Variants in GSN observed in about 807,000 individuals in gnomAD.
The protein encoded by GSN is actin-depolymerizing factor.
Under a neutral mutation model 85.7 loss-of-function variants are expected in GSN, and 56 were observed. That is an observed-to-expected ratio of 0.65 (90% confidence interval 0.53 to 0.82). The LOEUF is 0.82. GSN is among the 40% of genes least tolerant of loss of function. The probability of loss-of-function intolerance (pLI) is 0.00; values close to 1 mark genes in which losing one functional copy is unlikely to be tolerated. For missense variants in GSN, 857 were observed against 979.8 expected, an observed-to-expected ratio of 0.87 and a Z score of 1.67; for synonymous variants, 373 against 399.1, an observed-to-expected ratio of 0.93 and a Z score of 0.78.
chr9:121,322,210 G>T (rs983464824), intron 11 of GSN, among the ~76,000 whole-genome samples: 1 of 151,626 alleles, frequency 6.6e-6, no homozygotes, highest in African/African-American at 2.4e-5. Flanking sequence ...TATCCTTCCA[G>T]TAACTCTTCG....
At chr9:121,282,079 GC>G in intron 2 of GSN, 1 of 468,020 alleles carries the variant, frequency 2.1e-6, no homozygotes. Context: ...GCAGGGTGGG[GC>G]CCACCTGACT....
chr9:121,286,768 A>T (rs1461306196), intron 2 of GSN: 1 of 1,534,246 alleles, frequency 6.5e-7, no homozygotes, highest in Admixed American at 2.0e-5. Flanking sequence ...TACAGTAGGT[A>T]TTTTTTAAAG....
upstream of GSN, among the ~76,000 whole-genome samples, chr9:121,263,246 T>G (rs945500235): frequency 2.6e-5 from 4 of 152,160 alleles, no homozygotes; most frequent in African/African-American, 9.7e-5. Flanking sequence ...TCACTGAGTG[T>G]GGAGTTGCGA....
intron 6 of GSN, among the ~76,000 whole-genome samples, chr9:121,253,896 C>T (rs1193236649): frequency 1.3e-5 from 2 of 152,224 alleles, no homozygotes; most frequent in African/African-American, 4.8e-5. Context: ...CCTACATCAG[C>T]TCCCAGGCTG....
At position 121,226,107 on chromosome 9, in the gene GSN, C is replaced by A. The variant is rs2054268693; in HGVS notation, c.-527-5058C>A. On this transcript the variant is annotated intron_variant, in intron 4 of 24. Transcript: ENST00000373823. ...GCGTGAGCCACTGCGCCCGGCAGAGCCTGGCACTTATTAGACAATCAAAAA... is the reference window on the plus strand; with the variant it reads ...GCGTGAGCCACTGCGCCCGGCAGAGACTGGCACTTATTAGACAATCAAAAA... Among the ~76,000 whole-genome samples the A allele has an allele frequency of 3.3e-5, 5 of 152,246 alleles. 1 individual carries two copies. In the Middle Eastern group the frequency reaches 0.014, roughly 414 times the overall value.
chr9:121,279,588 G>A (rs771348253), intron 1 of GSN, among the ~76,000 whole-genome samples: 6 of 152,046 alleles, frequency 3.9e-5, no homozygotes, highest in Non-Finnish European at 8.8e-5. Flanking sequence ...TGTTGAGGAG[G>A]GTGAGGGCCT....
intron 13 of GSN, 173 bp downstream of exon 13, chr9:121,326,855 C>A (rs1009702590): frequency 5.1e-6 from 4 of 776,976 alleles, no homozygotes; most frequent in Admixed American, 1.8e-5. Context: ...TAGACTCCCC[C>A]CTGTTTCAAG....
chr9:121,242,017 C>A (rs2054615014), intron 5 of GSN, among the ~76,000 whole-genome samples: 1 of 152,152 alleles, frequency 6.6e-6, no homozygotes, highest in Non-Finnish European at 1.5e-5. Context: ...CTTTGGACAA[C>A]TTATTATTTC....
intron 1 of GSN, among the ~76,000 whole-genome samples, chr9:121,274,409 CA>C (rs2056406199): frequency 6.6e-6 from 1 of 152,144 alleles, no homozygotes; most frequent in African/African-American, 2.4e-5. Context: ...CAACCTAGTG[CA>C]TACTTTTTTT....
intron 5 of GSN, among the ~76,000 whole-genome samples, chr9:121,236,404 G>A (rs983845255): frequency 1.1e-4 from 16 of 151,996 alleles, no homozygotes; most frequent in African/African-American, 3.9e-4. Flanking sequence ...ATTTTTAATA[G>A]AGACAGGGTT....
chr9:121,260,055 G>T (rs1379305842), intron 6 of GSN, among the ~76,000 whole-genome samples: 1 of 152,244 alleles, frequency 6.6e-6, no homozygotes, highest in Non-Finnish European at 1.5e-5. Context: ...GAGAATGGCT[G>T]TGTGAGAAGC....
At chr9:121,283,800 G>A (rs559227982) in intron 2 of GSN, 1 of 167,228 alleles carries the variant, frequency 6.0e-6, no homozygotes, top group African/African-American at 2.4e-5. Flanking sequence ...TAGGTCTTCA[G>A]TAGATCATTA....
intron 1 of GSN, among the ~76,000 whole-genome samples, chr9:121,208,430 A>G (rs976573950): frequency 6.6e-6 from 1 of 152,204 alleles, no homozygotes; most frequent in Admixed American, 6.5e-5. Context: ...AGTGGCTTTC[A>G]CAAGATAGAA....
chr9:121,251,174 C>T (rs2054823699), intron 6 of GSN, among the ~76,000 whole-genome samples: 1 of 74,268 alleles, frequency 1.3e-5, no homozygotes, highest in East Asian at 4.4e-4. Flanking sequence ...AACATACCTA[C>T]AGCTGATGTG....
chr9:121,270,081 A>G (rs2055708910), intron 1 of GSN, among the ~76,000 whole-genome samples: 1 of 152,208 alleles, frequency 6.6e-6, no homozygotes, highest in South Asian at 2.1e-4. Context: ...AGAATGAATA[A>G]TCATTTACCA....
chr9:121,244,372 G>A (rs577526436), intron 5 of GSN, among the ~76,000 whole-genome samples: 8 of 152,306 alleles, frequency 5.3e-5, no homozygotes, highest in East Asian at 3.9e-4. Context: ...ATTGTTGGCC[G>A]TATTATAAAT....
At chr9:121,218,745 C>T (rs919985002) in intron 4 of GSN, among the ~76,000 whole-genome samples, 1 of 152,158 alleles carries the variant, frequency 6.6e-6, no homozygotes, top group African/African-American at 2.4e-5. Context: ...TGGAGACAGC[C>T]ACTGTTGGAC....
chr9:121,243,489 GAATTTTGGT>G (rs996393277), intron 5 of GSN, among the ~76,000 whole-genome samples: 3 of 152,142 alleles, frequency 2.0e-5, no homozygotes, highest in African/African-American at 7.2e-5. Context: ...ACCACAGAGG[GAATTTTGGT>G]ACTAACTAGC....
At chr9:121,205,935 C>T (rs2053874239), upstream of GSN, among the ~76,000 whole-genome samples, 1 of 150,788 alleles carries the variant, frequency 6.6e-6, no homozygotes, top group South Asian at 2.1e-4. Flanking sequence ...GTTCATTTTC[C>T]TCTTATGCTT....
Sources: gnomAD v4.1 joint callset for allele counts (sites outside exome capture counted in the v4.1 genomes callset) on GRCh38, gnomAD v4.1.1 for gene constraint, MANE v1.5 for transcripts, NCBI Gene and HGNC (gene_info 2026-07-23, HGNC 2026-07-21) for gene names.